RTN1: variants seen among roughly 807,000 people sequenced by gnomAD.
RTN1 encodes reticulon-1.
A neutral mutation model predicts 65.5 loss-of-function variants in RTN1; 25 were observed. The ratio of observed to expected loss-of-function variants is 0.38; its 90% CI spans 0.28 to 0.53. The LOEUF (loss-of-function observed/expected upper bound fraction) is 0.53. Among genes scored for constraint, RTN1 ranks in the 20% least tolerant of loss-of-function variants. The pLI is 0.79. For missense variants in RTN1, 983 were observed against 1,025.4 expected, an observed-to-expected ratio of 0.96 and a Z score of 0.57; for synonymous variants, 471 against 447.6, an observed-to-expected ratio of 1.05 and a Z score of -0.66.
At chr14:59,698,471 C>A (rs1410411781) in intron 3 of RTN1, among the ~76,000 whole-genome samples, 6 of 152,090 alleles carry the variant, frequency 3.9e-5, no homozygotes, top group Non-Finnish European at 7.4e-5. Context: ...TGAACTCCCA[C>A]GTGTTGTGGG....
intron 3 of RTN1, among the ~76,000 whole-genome samples, chr14:59,660,327 T>C (rs1262139892): frequency 2.6e-5 from 4 of 152,148 alleles, no homozygotes; most frequent in African/African-American, 9.7e-5. Context: ...ATCAAACAGA[T>C]CAATGACACA....
intron 8 of RTN1, among the ~76,000 whole-genome samples, chr14:59,597,888 G>C (rs985987622): frequency 6.6e-6 from 1 of 152,148 alleles, no homozygotes; most frequent in African/African-American, 2.4e-5. Flanking sequence ...TGAGAAGCCC[G>C]TTTGCTTGGG....
At chr14:59,654,078 T>C (rs1883071317) in intron 3 of RTN1, among the ~76,000 whole-genome samples, 1 of 152,146 alleles carries the variant, frequency 6.6e-6, no homozygotes, top group Non-Finnish European at 1.5e-5. Flanking sequence ...TAGTGAATTC[T>C]GCCAAATGTT....
intron 3 of RTN1, among the ~76,000 whole-genome samples, chr14:59,711,872 G>T (rs748015201): frequency 6.6e-6 from 1 of 152,188 alleles, no homozygotes; most frequent in Non-Finnish European, 1.5e-5. Context: ...AAGATGCATA[G>T]AGTCATGTGA....
chr14:59,730,881 G>A (rs904134844), intron 2 of RTN1, among the ~76,000 whole-genome samples: 2 of 152,186 alleles, frequency 1.3e-5, no homozygotes, highest in Non-Finnish European at 2.9e-5. Context: ...AGAGAAATTG[G>A]AACCTTTATG....
chr14:59,608,812 A>C (rs1469346133), intron 3 of RTN1, among the ~76,000 whole-genome samples: 2 of 152,200 alleles, frequency 1.3e-5, no homozygotes, highest in Admixed American at 1.3e-4. Context: ...TAGGAAATAG[A>C]GAAGAGGCTC....
At chr14:59,711,555 C>T (rs1884418937) in intron 3 of RTN1, among the ~76,000 whole-genome samples, 1 of 152,032 alleles carries the variant, frequency 6.6e-6, no homozygotes, top group Admixed American at 6.5e-5. Context: ...AAATAAAATC[C>T]CACAACAGAT....
At chr14:59,796,527 T>C (rs1886442791) in intron 1 of RTN1, among the ~76,000 whole-genome samples, 1 of 152,206 alleles carries the variant, frequency 6.6e-6, no homozygotes, top group Non-Finnish European at 1.5e-5. Flanking sequence ...ATATATTGGC[T>C]CTTGTTTACT....
chr14:59,791,320 C>A (rs2139588374), intron 1 of RTN1, among the ~76,000 whole-genome samples: 1 of 152,288 alleles, frequency 6.6e-6, no homozygotes, highest in African/African-American at 2.4e-5. Flanking sequence ...TCTGACACCT[C>A]TTCATCTTCT....
chr14:59,688,982 T>C (rs1262033146), intron 3 of RTN1, among the ~76,000 whole-genome samples: 3 of 151,772 alleles, frequency 2.0e-5, no homozygotes, highest in African/African-American at 7.3e-5. Context: ...AAATGGAAAC[T>C]CAGAAATGAC....
intron 3 of RTN1, among the ~76,000 whole-genome samples, chr14:59,623,855 T>C (rs777928816): frequency 7.2e-5 from 11 of 152,216 alleles, no homozygotes; most frequent in Non-Finnish European, 1.3e-4. Context: ...GATTTCTCAT[T>C]GTACCTCTGT....
chr14:59,671,661 A>G (rs907850843), intron 3 of RTN1, among the ~76,000 whole-genome samples: 4 of 152,190 alleles, frequency 2.6e-5, no homozygotes, highest in African/African-American at 9.7e-5. Flanking sequence ...GAGCACCAGG[A>G]CACTTTACCA....
At chr14:59,819,293 T>G (rs1298285316) in intron 1 of RTN1, among the ~76,000 whole-genome samples, 2 of 151,396 alleles carry the variant, frequency 1.3e-5, no homozygotes, top group African/African-American at 4.9e-5. Context: ...CAGTTGGGGC[T>G]CGGGTGGCGG....
rs1374713222 is a variant in RTN1, at chr14:59,690,382, A to C, written c.1765+36537T>G. ...GCATCACATAATTATAAAGCATTCA[A>C]TTCAACTAGAAGCTTAACTATCCTA... On this transcript the variant is annotated intron_variant, in intron 3 of 8. Coordinates refer to ENST00000267484, the MANE Select transcript of RTN1 (RefSeq NM_021136.3). 2.0e-5 allele frequency among the ~76,000 whole-genome samples: 3 copies of C among 152,158 alleles called. No individual in the cohort carries two copies. The East Asian group carries it at 5.8e-4, about 29-fold the overall frequency.
At chr14:59,748,421 G>C (rs1885275380) in intron 1 of RTN1, among the ~76,000 whole-genome samples, 1 of 151,620 alleles carries the variant, frequency 6.6e-6, no homozygotes. Flanking sequence ...TCTTCTCCTA[G>C]ATACCTATAT....
At chr14:59,666,896 A>G (rs1286593341) in intron 3 of RTN1, among the ~76,000 whole-genome samples, 3 of 150,850 alleles carry the variant, frequency 2.0e-5, no homozygotes, top group Non-Finnish European at 4.4e-5. Context: ...ACCAGGAAGA[A>G]CTTGAATCTC....
intron 1 of RTN1, among the ~76,000 whole-genome samples, chr14:59,777,658 A>G (rs1214560764): frequency 6.6e-6 from 1 of 152,120 alleles, no homozygotes; most frequent in Non-Finnish European, 1.5e-5. Flanking sequence ...CCTTAGGACC[A>G]AAGGGATGTC....
intron 2 of RTN1, among the ~76,000 whole-genome samples, chr14:59,732,548 C>G (rs1884921284): frequency 6.6e-6 from 1 of 152,170 alleles, no homozygotes; most frequent in African/African-American, 2.4e-5. Flanking sequence ...CAGTGAGTGA[C>G]TGTGTGATCC....
rs904113674 is a variant in RTN1 at position 59,774,530 on chromosome 14, A to C, written c.242-28049T>G. Among the ~76,000 whole-genome samples, 1 of 152,138 alleles carries C rather than the reference A, an allele frequency of 6.6e-6. No individual in the cohort carries two copies. Among genetic ancestry groups the C allele is most frequent in the Non-Finnish European group, 1.5e-5 (1 of 68,020 alleles). ...GAAAGCTACTTGGCAATTTCACTCC[A>C]CACTGATCAAAATCAGTTCAAAATA... On this transcript the variant is annotated intron_variant, in intron 1 of 8. Transcript: ENST00000267484. The surrounding 1 kb of genome is among the most constrained non-coding windows in gnomAD (Gnocchi z 5.1).
Sources: allele counts gnomAD v4.1 joint callset (sites outside exome capture counted in the v4.1 genomes callset), GRCh38; gene constraint gnomAD v4.1.1; non-coding constraint Gnocchi (gnomAD v3.1); transcripts MANE v1.5; gene names NCBI Gene and HGNC (gene_info 2026-07-23, HGNC 2026-07-21).